Variants in LINGO2 observed in about 807,000 individuals in gnomAD.
LINGO2 encodes the protein leucine-rich repeat and immunoglobulin-like domain-containing nogo receptor-interacting protein 2.
LINGO2 carries 14 observed loss-of-function variants against 30.6 expected under a neutral mutation model. The observed-to-expected ratio is 0.46, with a 90% CI of 0.30 to 0.72. The LOEUF (loss-of-function observed/expected upper bound fraction) is 0.72. Ranked by LOEUF, LINGO2 falls within the 30% of genes least tolerant of loss-of-function variation. The probability of loss-of-function intolerance (pLI) is 0.07; values close to 1 mark genes in which losing one functional copy is unlikely to be tolerated. For missense variants in LINGO2, 729 were observed against 751.7 expected (o/e 0.97, Z 0.35); for synonymous variants, 317 against 288.5 (o/e 1.10, Z -1.00).
At chr9:28,531,580 T>C (rs1201204288) in intron 1 of LINGO2, among the ~76,000 whole-genome samples, 1 of 152,280 alleles carries the variant, frequency 6.6e-6, no homozygotes, top group African/African-American at 2.4e-5. Context: ...TATTTAAGTA[T>C]CTATAGTTTT....
At chr9:28,068,238 C>T (rs774462644) in intron 4 of LINGO2, among the ~76,000 whole-genome samples, 1 of 152,096 alleles carries the variant, frequency 6.6e-6, no homozygotes, top group Non-Finnish European at 1.5e-5. Flanking sequence ...TTATTTCTGA[C>T]ATTTCTAGAG....
intron 4 of LINGO2, among the ~76,000 whole-genome samples, chr9:28,286,359 AG>A (rs574920058): frequency 8.1e-4 from 124 of 152,318 alleles, no homozygotes; most frequent in African/African-American, 2.8e-3. Flanking sequence ...ACACTATTAG[AG>A]GAAGTTTAAA....
intron 1 of LINGO2, among the ~76,000 whole-genome samples, chr9:28,503,460 A>G (rs1564247924): frequency 6.6e-6 from 1 of 152,016 alleles, no homozygotes; most frequent in Non-Finnish European, 1.5e-5. Flanking sequence ...CATCACCTTT[A>G]GGGTGATGAC....
chr9:29,008,540 C>G, the LINGO2 span, among the ~76,000 whole-genome samples: 2 of 152,190 alleles, frequency 1.3e-5, no homozygotes, highest in Non-Finnish European at 2.9e-5. Context: ...TACAGTCCCA[C>G]CAACAATGTA....
chr9:28,908,861 A>C, the LINGO2 span, among the ~76,000 whole-genome samples: 112 of 151,996 alleles, frequency 7.4e-4, no homozygotes, highest in Middle Eastern at 0.01. Context: ...ATTTTATAAG[A>C]CTGATTATTT....
intron 4 of LINGO2, among the ~76,000 whole-genome samples, chr9:28,219,831 T>C (rs4128649): frequency 0.16 from 23,915 of 152,178 alleles, 2,053 homozygotes; most frequent in South Asian, 0.28. Context: ...TGTTTTCCTC[T>C]TGGAGATTCA....
At chr9:28,354,438 A>G (rs991552218) in intron 3 of LINGO2, among the ~76,000 whole-genome samples, 1 of 152,230 alleles carries the variant, frequency 6.6e-6, no homozygotes, top group African/African-American at 2.4e-5. Context: ...TCAATATGAT[A>G]GTATGTAATA....
chr9:28,373,420 T>C (rs1027955445), intron 2 of LINGO2, among the ~76,000 whole-genome samples: 2 of 152,342 alleles, frequency 1.3e-5, no homozygotes, highest in Admixed American at 6.5e-5. Context: ...ATAAATGCTC[T>C]ACATTCCTTA....
At chr9:27,975,199 G>A (rs955209145) in intron 5 of LINGO2, among the ~76,000 whole-genome samples, 6 of 152,046 alleles carry the variant, frequency 3.9e-5, no homozygotes, top group African/African-American at 1.4e-4. Flanking sequence ...TTGGTTACTG[G>A]CAAGAATTTA....
At chr9:28,390,620 C>T (rs569171260) in intron 2 of LINGO2, among the ~76,000 whole-genome samples, 1 of 151,832 alleles carries the variant, frequency 6.6e-6, no homozygotes, top group South Asian at 2.1e-4. Flanking sequence ...ACGATCACAG[C>T]CCTTGTAGCC....
At chr9:28,677,782 AG>A in the LINGO2 span, among the ~76,000 whole-genome samples, 1 of 152,258 alleles carries the variant, frequency 6.6e-6, no homozygotes, top group South Asian at 2.1e-4. Context: ...ATTTTAACAC[AG>A]GTTTTTGACA....
chr9:28,205,164 G>A (rs10511824), intron 4 of LINGO2, among the ~76,000 whole-genome samples: 12,138 of 152,166 alleles, frequency 0.08, 696 homozygotes, highest in East Asian at 0.21. Flanking sequence ...ACATTTAAGC[G>A]ATTTAAGAAA....
chr9:28,422,560 G>A lies in LINGO2; in HGVS notation c.-278-49692C>T, dbSNP rs547987864. ...GGGATGTAGATGAATTGAAAGGTTT[G>A]TATACAGTTAGTAGGGGTGTAAAAT... On this transcript the variant is annotated intron_variant, in intron 2 of 5. Coordinates refer to ENST00000379992, the Ensembl canonical transcript of LINGO2. Among the ~76,000 whole-genome samples, 118 of 152,128 alleles carry A rather than the reference G, an allele frequency of 7.8e-4. 4 individuals are homozygous for A. The South Asian group carries it at 0.023, about 30-fold the overall frequency.
At chr9:28,405,879 G>A (rs1021979750) in intron 2 of LINGO2, among the ~76,000 whole-genome samples, 2 of 151,970 alleles carry the variant, frequency 1.3e-5, no homozygotes, top group African/African-American at 4.8e-5. Flanking sequence ...CACCAACCGT[G>A]TGTAGACTAA....
chr9:28,910,190 T>C, the LINGO2 span, among the ~76,000 whole-genome samples: 3 of 152,074 alleles, frequency 2.0e-5, no homozygotes, highest in East Asian at 3.9e-4. Flanking sequence ...ACTATATAGA[T>C]ACATTTATCT....
chr9:28,093,367 C>G (rs1826152943), intron 4 of LINGO2, among the ~76,000 whole-genome samples: 1 of 151,968 alleles, frequency 6.6e-6, no homozygotes, highest in African/African-American at 2.4e-5. Flanking sequence ...CTGATAATGA[C>G]AAAGATGGGC....
At chr9:28,386,579 T>G (rs1821589064) in intron 2 of LINGO2, among the ~76,000 whole-genome samples, 1 of 152,162 alleles carries the variant, frequency 6.6e-6, no homozygotes, top group South Asian at 2.1e-4. Flanking sequence ...CCACAATATC[T>G]TCAATAAATA....
At chr9:29,004,144 C>T in the LINGO2 span, among the ~76,000 whole-genome samples, 1 of 151,888 alleles carries the variant, frequency 6.6e-6, no homozygotes, top group African/African-American at 2.4e-5. Context: ...GAAATTAATC[C>T]ATGAATATGT....
At chr9:28,239,145 TAA>T (rs1821686536) in intron 4 of LINGO2, among the ~76,000 whole-genome samples, 2 of 151,974 alleles carry the variant, frequency 1.3e-5, no homozygotes. Flanking sequence ...AAATCTGTAA[TAA>T]AAAGTCTCCT....
Sources: gnomAD v4.1 joint callset for allele counts (sites outside exome capture counted in the v4.1 genomes callset) on GRCh38, gnomAD v4.1.1 for gene constraint, MANE v1.5 for transcripts, NCBI Gene and HGNC (gene_info 2026-07-23, HGNC 2026-07-21) for gene names.